The following TOP1 variants were observed in gnomAD, a reference collection of about 807,000 sequenced individuals.
TOP1 encodes the protein DNA topoisomerase 1.
In TOP1, 10 loss-of-function variants were observed where a neutral mutation model predicts 111.1. The ratio of observed to expected loss-of-function variants is 0.09; its 90% CI spans 0.06 to 0.15. TOP1 has a LOEUF of 0.15. TOP1 is among the 10% of genes least tolerant of loss of function. The pLI, the probability that TOP1 is intolerant of heterozygous loss-of-function variation, is 1.00. For missense variants in TOP1, 474 were observed against 926.7 expected (o/e 0.51, Z 6.34); for synonymous variants, 271 against 302.9 (o/e 0.89, Z 1.10).
rs893966733 is a variant in TOP1 at position 41,032,948 on chromosome 20, G to A, written c.58+3493G>A. On this transcript the variant is annotated intron_variant, in intron 2 of 20. Coordinates refer to ENST00000361337, the MANE Select transcript of TOP1 (RefSeq NM_003286.4). This position sits in a 1 kb window ranked among gnomAD's most constrained non-coding sequence, Gnocchi z 4.3. ...TCTGCAGCATCCTCAGACTCAATCA[G>A]GAAATACTTAAGCATTATGCTCCAG... is the stretch of plus-strand genomic sequence containing the variant. Among the ~76,000 whole-genome samples, 1 of 152,142 alleles carries A rather than the reference G, an allele frequency of 6.6e-6. No homozygotes were observed. The highest frequency in any genetic ancestry group is 2.4e-5 in the African/African-American group (1 of 41,428).
chr20:41,089,827 C>A lies in TOP1; in HGVS notation c.615-2645C>A, dbSNP rs115746652. Among the ~76,000 whole-genome samples the A allele has an allele frequency of 1.8e-3, 271 of 152,314 alleles. 2 individuals carry two copies. Among genetic ancestry groups the A allele is most frequent in the African/African-American group, 6.2e-3 (257 of 41,576 alleles). ...TGTTATTTTTTGTTTTATTGCCATC[C>A]TTATGAGTATGAATGGTATCTCATT... On this transcript the variant is annotated intron_variant, in intron 8 of 20. Transcript: ENST00000361337.
At position 41,079,656 on chromosome 20, in the gene TOP1, A is replaced by T. The variant is rs1600576184; in HGVS notation, c.336-429A>T. ...TTAAGGTACTAAGTTGGGGAAATCA[A>T]TGTTTATTCCTTTCCTTGTAAAAGC... On this transcript the variant is annotated intron_variant, in intron 5 of 20. Transcript: ENST00000361337. The surrounding 1 kb of genome is among the most constrained non-coding windows in gnomAD (Gnocchi z 4.0). Among the ~76,000 whole-genome samples the T allele has an allele frequency of 6.6e-6, 1 of 152,226 alleles. No homozygotes were observed. Among genetic ancestry groups the T allele is most frequent in the South Asian group, 2.1e-4 (1 of 4,832 alleles).
At chr20:41,084,305 A>G (rs1359542779) in intron 7 of TOP1, among the ~76,000 whole-genome samples, 157 bp from the exon 8 acceptor site, 1 of 152,178 alleles carries the variant, frequency 6.6e-6, no homozygotes, top group Non-Finnish European at 1.5e-5. Flanking sequence ...GAGCACCAGT[A>G]CATTGTTATT....
Position 41,029,484 on chromosome 20 carries a change from G to A in TOP1, c.58+29G>A. The A allele has an allele frequency of 6.4e-7, 1 of 1,551,522 alleles. No individual in the cohort carries two copies. Among genetic ancestry groups the A allele is most frequent in the Non-Finnish European group, 8.7e-7 (1 of 1,149,970 alleles). On this transcript the variant is annotated intron_variant, in intron 2 of 20. Transcript: ENST00000361337. The surrounding 1 kb of genome is among the most constrained non-coding windows in gnomAD (Gnocchi z 6.1). ...AGTGTGCCCCCTGCGCCGACTCCGGGGCCCCCCAGCCGCCGGCCGCCTCCC... is the reference window on the plus strand; with the variant it reads ...AGTGTGCCCCCTGCGCCGACTCCGGAGCCCCCCAGCCGCCGGCCGCCTCCC...
Position 41,113,000 on chromosome 20 carries a change from G to T in TOP1, c.1452+75G>T, listed in dbSNP as rs900128912. 8.4e-5 allele frequency: 124 copies of T among 1,482,808 alleles called. No individual in the cohort carries two copies. Among genetic ancestry groups the T allele is most frequent in the Non-Finnish European group, 1.1e-4 (118 of 1,089,058 alleles). 91.9% of individuals were successfully genotyped at this position (1,482,808 alleles called of 1,614,324 possible). On this transcript the variant is annotated intron_variant, in intron 14 of 20. Coordinates refer to ENST00000361337, the MANE Select transcript of TOP1 (RefSeq NM_003286.4). This position sits in a 1 kb window ranked among gnomAD's most constrained non-coding sequence, Gnocchi z 5.8. ...GAGTTTCTGCTCTGCCCCAGGCCCT[G>T]TGCCACATACTGTATATCACAACTC...
At position 41,118,962 on chromosome 20, in the gene TOP1, G is replaced by A. The variant is rs559875657; in HGVS notation, c.1950+666G>A. 1.4e-4 allele frequency among the ~76,000 whole-genome samples: 21 copies of A among 152,188 alleles called. No individual in the cohort carries two copies. Among genetic ancestry groups the A allele is most frequent in the Non-Finnish European group, 2.9e-4 (20 of 68,038 alleles). On this transcript the variant is annotated intron_variant, in intron 18 of 20. Coordinates refer to ENST00000361337, the MANE Select transcript of TOP1 (RefSeq NM_003286.4). The surrounding 1 kb of genome is among the most constrained non-coding windows in gnomAD (Gnocchi z 4.6). ...TTAACATTTGATGATGAACATTTTT[G>A]TGTTAGCAGTGACTTCATAACTAAT... is the stretch of plus-strand genomic sequence containing the variant.
rs1371465330 is a variant in TOP1 at position 41,114,172 on chromosome 20, G to A, written c.1638+17G>A. ...GAGAAACGAGTAAGTTAATGTACCT[G>A]TACTGTCTGACTTGTTTTCCATTAT... On this transcript the variant is annotated intron_variant, in intron 15 of 20. Coordinates refer to ENST00000361337, the MANE Select transcript of TOP1 (RefSeq NM_003286.4). The surrounding 1 kb of genome is among the most constrained non-coding windows in gnomAD (Gnocchi z 4.5). The A allele has an allele frequency of 2.5e-6, 4 of 1,596,456 alleles. No individual in the cohort carries two copies. The highest frequency in any genetic ancestry group is 3.4e-6 in the Non-Finnish European group (4 of 1,168,102).
chr20:41,061,372 G>C lies in TOP1; in HGVS notation c.59-22G>C. ...AGATAGCTCATGACTCCTGTTAACT[G>C]ACTCATCTCTTATGGTTGCAGATTC... On this transcript the variant is annotated intron_variant, in intron 2 of 20. Transcript: ENST00000361337. This position sits in a 1 kb window ranked among gnomAD's most constrained non-coding sequence, Gnocchi z 4.6. 1 of 1,611,828 alleles carries C rather than the reference G, an allele frequency of 6.2e-7. No individual in the cohort carries two copies. Among genetic ancestry groups the C allele is most frequent in the Non-Finnish European group, 8.5e-7 (1 of 1,178,506 alleles).
intron 3 of TOP1, among the ~76,000 whole-genome samples, chr20:41,070,836 C>G (rs1275639970): frequency 6.6e-6 from 1 of 152,190 alleles, no homozygotes; most frequent in African/African-American, 2.4e-5. Flanking sequence ...GTGCATGACC[C>G]TGGAGCCAGA....
intron 2 of TOP1, among the ~76,000 whole-genome samples, chr20:41,041,728 C>G (rs2033267776): frequency 6.6e-6 from 1 of 152,138 alleles, no homozygotes; most frequent in Non-Finnish European, 1.5e-5. Context: ...TTTAATGTAT[C>G]TTCAACAATC....
rs534785015 is a variant in TOP1, at chr20:41,102,078, A to T, written c.1308+725A>T. On this transcript the variant is annotated intron_variant, in intron 13 of 20. Coordinates refer to ENST00000361337, the MANE Select transcript of TOP1 (RefSeq NM_003286.4). The surrounding 1 kb of genome is among the most constrained non-coding windows in gnomAD (Gnocchi z 4.0). ...AACAGAGACAAAAACACAGTCAAGGAATTAGTTCTATGTAGACTGTTAACT... is the reference window on the plus strand; with the variant it reads ...AACAGAGACAAAAACACAGTCAAGGTATTAGTTCTATGTAGACTGTTAACT... 6.6e-6 allele frequency among the ~76,000 whole-genome samples: 1 copy of T among 152,304 alleles called. No homozygotes were observed. The highest frequency in any genetic ancestry group is 6.5e-5 in the Admixed American group (1 of 15,298).
intron 2 of TOP1, among the ~76,000 whole-genome samples, chr20:41,057,083 C>T (rs770938397): frequency 3.3e-5 from 5 of 152,128 alleles, no homozygotes; most frequent in East Asian, 1.9e-4. Flanking sequence ...CTCGGCAACA[C>T]GGTGAAACCC....
At chr20:41,053,840 A>G (rs181599463) in intron 2 of TOP1, among the ~76,000 whole-genome samples, 9 of 152,050 alleles carry the variant, frequency 5.9e-5, no homozygotes, top group African/African-American at 2.2e-4. Context: ...GTTGTCATCC[A>G]CTTATTTCTC....
In TOP1 at chr20:41,123,183, C is replaced by G. The variant is rs771174632; in HGVS notation, c.2196-12C>G. 1 of 1,606,504 alleles carries G rather than the reference C, an allele frequency of 6.2e-7. No homozygotes were observed. The highest frequency in any genetic ancestry group is 1.1e-5 in the South Asian group (1 of 90,846). ...CACCCTAATCCCCCCCTTATTTCTC[C>G]TTTGTTTGCAGGTGCAAGAAGTGGG... On this transcript the variant is annotated splice_polypyrimidine_tract_variant and intron_variant, in intron 20 of 20. Transcript: ENST00000361337. This position sits in a 1 kb window ranked among gnomAD's most constrained non-coding sequence, Gnocchi z 5.8.
intron 13 of TOP1, among the ~76,000 whole-genome samples, chr20:41,105,642 C>G (rs577775095): frequency 1.3e-5 from 2 of 152,080 alleles, no homozygotes; most frequent in African/African-American, 4.8e-5. Flanking sequence ...GGATTATAGG[C>G]GTGTGCCACC....
intron 2 of TOP1, among the ~76,000 whole-genome samples, chr20:41,042,300 A>T (rs960167282): frequency 1.3e-5 from 2 of 152,196 alleles, no homozygotes; most frequent in African/African-American, 4.8e-5. Flanking sequence ...TATAGTTTCT[A>T]CCTTTCAGTG....
At position 41,110,838 on chromosome 20, in the gene TOP1, G is replaced by T. The variant is rs910452753; in HGVS notation, c.1309-1944G>T. On this transcript the variant is annotated intron_variant, in intron 13 of 20. Transcript: ENST00000361337. The surrounding 1 kb of genome is among the most constrained non-coding windows in gnomAD (Gnocchi z 4.2). ...TTTCTAAAAGTAGTCAAGAAAGCTTGTTCAGGGCATTGAACACTGCAGGGA... is the reference window on the plus strand; with the variant it reads ...TTTCTAAAAGTAGTCAAGAAAGCTTTTTCAGGGCATTGAACACTGCAGGGA... 6.6e-6 allele frequency among the ~76,000 whole-genome samples: 1 copy of T among 152,174 alleles called. No individual in the cohort carries two copies. The highest frequency in any genetic ancestry group is 1.5e-5 in the Non-Finnish European group (1 of 68,030).
chr20:41,104,200 T>G lies in TOP1; in HGVS notation c.1308+2847T>G, dbSNP rs192763146. Among the ~76,000 whole-genome samples the G allele has an allele frequency of 2.6e-5, 4 of 152,170 alleles. No individual in the cohort carries two copies. The East Asian group carries it at 7.7e-4, about 29-fold the overall frequency. On this transcript the variant is annotated intron_variant, in intron 13 of 20. Coordinates refer to ENST00000361337, the MANE Select transcript of TOP1 (RefSeq NM_003286.4). ...TTGGGCAAGTTTTAGGGCCTTTAAG[T>G]TTAAAAGGAAGCCACCAACCTGGGA...
At chr20:41,075,318 C>T (rs932145111) in intron 3 of TOP1, among the ~76,000 whole-genome samples, 1 of 152,116 alleles carries the variant, frequency 6.6e-6, no homozygotes, top group Non-Finnish European at 1.5e-5. Flanking sequence ...ACTACAGGCG[C>T]CTGCCACCAC....
Sources: allele counts gnomAD v4.1 joint callset (sites outside exome capture counted in the v4.1 genomes callset), GRCh38; gene constraint gnomAD v4.1.1; non-coding constraint Gnocchi (gnomAD v3.1); transcripts MANE v1.5; gene names NCBI Gene and HGNC (gene_info 2026-07-23, HGNC 2026-07-21).